Variants in ARMC8 observed in about 807,000 individuals in gnomAD.
ARMC8 encodes armadillo repeat containing 8, also known as armadillo repeat-containing protein 8.
Under a neutral mutation model 99.3 loss-of-function variants are expected in ARMC8, and 20 were observed. The ratio of observed to expected loss-of-function variants is 0.20; its 90% CI spans 0.14 to 0.29. The LOEUF (loss-of-function observed/expected upper bound fraction) is 0.29, where lower values mean the gene tolerates loss of function less well. ARMC8 is among the 10% of genes least tolerant of loss of function. The pLI, the probability that ARMC8 is intolerant of heterozygous loss-of-function variation, is 1.00. For synonymous variants in ARMC8, 263 were observed against 278.3 expected (o/e 0.95, Z 0.55); for missense variants, 569 against 809.5 (o/e 0.70, Z 3.60).
chr3:138,190,787 G>C (rs2043340397), intron 1 of ARMC8, among the ~76,000 whole-genome samples: 1 of 152,188 alleles, frequency 6.6e-6, no homozygotes, highest in African/African-American at 2.4e-5. Flanking sequence ...ATGGTGTTGA[G>C]TTTGGGAATA....
chr3:138,264,668 T>G (rs569068490), intron 14 of ARMC8, among the ~76,000 whole-genome samples: 1 of 152,042 alleles, frequency 6.6e-6, no homozygotes, highest in East Asian at 1.9e-4. Context: ...TCTGCCCGCC[T>G]CGGCCCTCCA....
chr3:138,284,322 C>A, intron 18 of ARMC8, 109 bp from the exon 19 acceptor site: 1 of 755,480 alleles, frequency 1.3e-6, no homozygotes, highest in South Asian at 1.6e-5. Context: ...GAGAGTGGAA[C>A]CTGTGAGAAT....
chr3:138,222,029 T>A (rs768014498), intron 3 of ARMC8, 32 bp downstream of exon 3: 2 of 1,528,530 alleles, frequency 1.3e-6, no homozygotes, highest in South Asian at 1.1e-5. Flanking sequence ...TTTCTTGCCA[T>A]TCATACTAGT....
At chr3:138,271,278 T>A (rs2048762914) in intron 16 of ARMC8, among the ~76,000 whole-genome samples, 1 of 152,198 alleles carries the variant, frequency 6.6e-6, no homozygotes, top group African/African-American at 2.4e-5. Flanking sequence ...ACTTTCTACC[T>A]AGCTTCCTTT....
At chr3:138,265,138 C>G (rs544471558) in intron 14 of ARMC8, among the ~76,000 whole-genome samples, 2 of 152,030 alleles carry the variant, frequency 1.3e-5, no homozygotes, top group Non-Finnish European at 2.9e-5. Context: ...CTCAAGTGAT[C>G]CTGCCTTGGC....
intron 12 of ARMC8, among the ~76,000 whole-genome samples, chr3:138,263,086 T>C (rs1404560486): frequency 6.6e-6 from 1 of 152,270 alleles, no homozygotes; most frequent in Non-Finnish European, 1.5e-5. Context: ...AAAAGGCTGT[T>C]TTTCAATAGG....
intron 5 of ARMC8, 66 bp downstream of exon 5, chr3:138,223,799 G>A: frequency 7.4e-7 from 1 of 1,348,288 alleles, no homozygotes; most frequent in South Asian, 1.2e-5. Context: ...AATTTGCTTA[G>A]CATCTTCAGA....
At chr3:138,225,811 A>G (rs2045665764) in intron 5 of ARMC8, among the ~76,000 whole-genome samples, 1 of 152,170 alleles carries the variant, frequency 6.6e-6, no homozygotes, top group African/African-American at 2.4e-5. Context: ...TCAAGACTGT[A>G]AGTAATCGAG....
chr3:138,248,637 A>C (rs1235451107), intron 12 of ARMC8, among the ~76,000 whole-genome samples: 3 of 152,214 alleles, frequency 2.0e-5, no homozygotes. Context: ...AGATTCTTCT[A>C]TGACAAATAA....
chr3:138,201,117 G>A (rs564454648), intron 1 of ARMC8, among the ~76,000 whole-genome samples: 5 of 151,642 alleles, frequency 3.3e-5, no homozygotes, highest in African/African-American at 1.2e-4. Context: ...TCACCGTCTT[G>A]GCCAGGCTGG....
chr3:138,229,583 A>C (rs887057460), intron 6 of ARMC8, among the ~76,000 whole-genome samples: 1 of 152,136 alleles, frequency 6.6e-6, no homozygotes, highest in Admixed American at 6.6e-5. Context: ...ATGTGTGATC[A>C]TGACTGTTTC....
chr3:138,208,158 G>A (rs142525977), intron 1 of ARMC8, among the ~76,000 whole-genome samples: 2,068 of 151,800 alleles, frequency 0.014, 24 homozygotes, highest in Middle Eastern at 0.02. Flanking sequence ...TATTTTGGTA[G>A]CAAATTCAGA....
At position 138,269,607 on chromosome 3, in the gene ARMC8, A is replaced by T. The variant is rs572026412; in HGVS notation, c.1387-433A>T. ...TTCCTTTATATTTCTTTCCTTTACC[A>T]ACCATATTACTTCATAGAGTTCGTA... is the stretch of plus-strand genomic sequence containing the variant. On this transcript the variant is annotated intron_variant, in intron 15 of 21. Coordinates refer to ENST00000469044, the MANE Select transcript of ARMC8 (RefSeq NM_001363941.2). Among the ~76,000 whole-genome samples, 7 of 152,290 alleles carry T rather than the reference A, an allele frequency of 4.6e-5. No individual in the cohort carries two copies. The East Asian group carries it at 1.4e-3, about 29-fold the overall frequency.
At chr3:138,225,072 T>C (rs953258883) in intron 5 of ARMC8, among the ~76,000 whole-genome samples, 5 of 150,682 alleles carry the variant, frequency 3.3e-5, no homozygotes, top group Non-Finnish European at 4.4e-5. Flanking sequence ...GAGGAAGGCA[T>C]GAGGCACCGT....
intron 12 of ARMC8, among the ~76,000 whole-genome samples, chr3:138,251,062 G>T (rs2047101328): frequency 6.6e-6 from 1 of 151,902 alleles, no homozygotes; most frequent in African/African-American, 2.4e-5. Context: ...GAGGTGGGAG[G>T]TTCACTTGAG....
At chr3:138,218,810 A>C (rs967926491) in intron 2 of ARMC8, among the ~76,000 whole-genome samples, 2 of 152,238 alleles carry the variant, frequency 1.3e-5, no homozygotes, top group African/African-American at 4.8e-5. Flanking sequence ...AGTAAAAGTA[A>C]GTAGAGCATT....
chr3:138,201,525 A>G (rs1474318304), intron 1 of ARMC8, among the ~76,000 whole-genome samples: 1 of 116,178 alleles, frequency 8.6e-6, no homozygotes, highest in Non-Finnish European at 1.6e-5. Flanking sequence ...GCAGTGGTGC[A>G]CTCTTGGCTC....
chr3:138,198,593 A>G (rs932345840), intron 1 of ARMC8, among the ~76,000 whole-genome samples: 10 of 151,690 alleles, frequency 6.6e-5, no homozygotes, highest in Admixed American at 5.9e-4. Context: ...GCTCACTGCA[A>G]CCTCCGCCTC....
At chr3:138,220,550 AGTT>A (rs2045335362) in intron 2 of ARMC8, among the ~76,000 whole-genome samples, 1 of 152,138 alleles carries the variant, frequency 6.6e-6, no homozygotes, top group Non-Finnish European at 1.5e-5. Context: ...GCACATCACT[AGTT>A]GTTGCAGTAT....
Sources: gnomAD v4.1 joint callset for allele counts (sites outside exome capture counted in the v4.1 genomes callset) on GRCh38, gnomAD v4.1.1 for gene constraint, MANE v1.5 for transcripts, NCBI Gene and HGNC (gene_info 2026-07-23, HGNC 2026-07-21) for gene names.